ADK: variants seen among roughly 807,000 people sequenced by gnomAD.
The protein encoded by ADK is N6,N6-dimethyladenosine kinase.
ADK carries 24 observed loss-of-function variants against 44.7 expected under a neutral mutation model. The ratio of observed to expected loss-of-function variants is 0.54; its 90% confidence interval spans 0.39 to 0.76. The LOEUF is 0.76. ADK is among the 30% of genes least tolerant of loss of function. ADK has a pLI of 0.00. For synonymous variants in ADK, 128 were observed against 142.6 expected, an observed-to-expected ratio of 0.90 and a Z score of 0.73; for missense variants, 321 against 425.1, an observed-to-expected ratio of 0.76 and a Z score of 2.15.
intron 7 of ADK, among the ~76,000 whole-genome samples, chr10:74,577,789 T>C (rs1195434180): frequency 1.3e-5 from 2 of 152,202 alleles, no homozygotes; most frequent in African/African-American, 4.8e-5. Context: ...TTTTGTGATA[T>C]GTTCTAGTCA....
chr10:74,367,396 C>T (rs1842529492), intron 4 of ADK, among the ~76,000 whole-genome samples: 1 of 152,164 alleles, frequency 6.6e-6, no homozygotes, highest in African/African-American at 2.4e-5. Context: ...CATGAAATTA[C>T]AGTTTTTTAA....
rs370799606 is a variant in ADK at position 74,659,327 on chromosome 10, A to G, written c.878-10856A>G. Among the ~76,000 whole-genome samples, 89 of 152,364 alleles carry G rather than the reference A, an allele frequency of 5.8e-4. No homozygotes were observed. The East Asian group carries it at 9.0e-3, about 15-fold the overall frequency. ...CTTGGTCATTTTTCCATGGAAAACT[A>G]TTTTTGTATTCAAAGTCAACACTCA... On this transcript the variant is annotated intron_variant, in intron 9 of 10. Transcript: ENST00000539909.
intron 6 of ADK, among the ~76,000 whole-genome samples, chr10:74,467,398 CAT>C (rs1846398338): frequency 1.3e-5 from 2 of 152,164 alleles, no homozygotes; most frequent in African/African-American, 4.8e-5. Context: ...AAAGCCACCA[CAT>C]ATGTTAACGT....
chr10:74,221,948 G>A (rs561970350), intron 2 of ADK, among the ~76,000 whole-genome samples: 6 of 152,280 alleles, frequency 3.9e-5, no homozygotes, highest in Non-Finnish European at 5.9e-5. Flanking sequence ...TACTATTCAG[G>A]ACATAGGCAT....
intron 9 of ADK, among the ~76,000 whole-genome samples, chr10:74,650,617 AT>A (rs1352571509): frequency 6.6e-6 from 1 of 152,110 alleles, no homozygotes; most frequent in Non-Finnish European, 1.5e-5. Context: ...ACTTTTTGGC[AT>A]TACTTTGTTT....
At chr10:74,506,253 C>G (rs973773050) in intron 6 of ADK, 28 of 177,464 alleles carry the variant, frequency 1.6e-4, no homozygotes, top group Non-Finnish European at 3.2e-4. Flanking sequence ...AAGTCCTCCC[C>G]CAACCACAAT....
At chr10:74,654,911 G>A (rs1452506780) in intron 9 of ADK, 3 of 153,222 alleles carry the variant, frequency 2.0e-5, no homozygotes, top group Admixed American at 6.5e-5. Flanking sequence ...CAGGTTAGTC[G>A]CAGGTGAAGT....
intron 7 of ADK, chr10:74,528,007 C>T (rs1589220041): frequency 6.1e-6 from 5 of 823,718 alleles, no homozygotes; most frequent in East Asian, 2.4e-5. Context: ...AAGAAAAAAG[C>T]GATTGAGGGA....
chr10:74,447,706 G>T (rs1163279365), intron 6 of ADK, among the ~76,000 whole-genome samples: 1 of 152,042 alleles, frequency 6.6e-6, no homozygotes, highest in Non-Finnish European at 1.5e-5. Context: ...CTGTAAAATG[G>T]AGATCATGAT....
At chr10:74,215,972 G>A (rs577186412) in intron 2 of ADK, among the ~76,000 whole-genome samples, 6 of 152,168 alleles carry the variant, frequency 3.9e-5, no homozygotes, top group Middle Eastern at 6.8e-3. Flanking sequence ...ACTCTTTTTA[G>A]TGGACTCTAA....
chr10:74,189,014 G>A (rs920323393), intron 1 of ADK, among the ~76,000 whole-genome samples: 18 of 152,068 alleles, frequency 1.2e-4, no homozygotes, highest in Non-Finnish European at 2.5e-4. Flanking sequence ...CTCGTGATCC[G>A]CCCACCTTGG....
chr10:74,380,970 G>A (rs10824165), intron 4 of ADK, among the ~76,000 whole-genome samples: 97,089 of 151,876 alleles, frequency 0.64, 32,466 homozygotes, highest in Middle Eastern at 0.79. Context: ...GAAATCTATG[G>A]TGTGAGTTCA....
chr10:74,450,562 A>T (rs1845738383), intron 6 of ADK, among the ~76,000 whole-genome samples: 1 of 152,232 alleles, frequency 6.6e-6, no homozygotes, highest in Non-Finnish European at 1.5e-5. Flanking sequence ...CTCTGAGAAT[A>T]ATAAGAAAAC....
intron 3 of ADK, among the ~76,000 whole-genome samples, chr10:74,265,584 A>G (rs940277532): frequency 6.7e-6 from 1 of 149,992 alleles, no homozygotes; most frequent in East Asian, 1.9e-4. Flanking sequence ...TATTTGAGAA[A>G]AGCGCAACTT....
chr10:74,506,786 C>T lies in ADK; in HGVS notation c.556-18470C>T, dbSNP rs555320898. ...TGATAGATTTTAACTTTTTATAATA[C>T]ATTTTTATAGTTTTATGATAGTGAT... On this transcript the variant is annotated intron_variant, in intron 6 of 10. Coordinates refer to ENST00000539909, the MANE Select transcript of ADK (RefSeq NM_006721.4). Among the ~76,000 whole-genome samples, 4 of 152,236 alleles carry T rather than the reference C, an allele frequency of 2.6e-5. No homozygotes were observed. The South Asian group carries it at 6.2e-4, about 24-fold the overall frequency.
intron 7 of ADK, among the ~76,000 whole-genome samples, chr10:74,552,275 TA>T (rs1363868536): frequency 6.6e-6 from 1 of 152,096 alleles, no homozygotes; most frequent in African/African-American, 2.4e-5. Context: ...AAGTGGTGGA[TA>T]AACCTAACCA....
chr10:74,655,286 G>A (rs1368639318), intron 9 of ADK: 2 of 465,412 alleles, frequency 4.3e-6, no homozygotes, highest in African/African-American at 4.1e-5. Context: ...TCTTTGAGAA[G>A]GGCCCAGCTG....
chr10:74,368,287 A>AT (rs1842555494), intron 4 of ADK, among the ~76,000 whole-genome samples: 1 of 151,846 alleles, frequency 6.6e-6, no homozygotes, highest in African/African-American at 2.4e-5. Flanking sequence ...TAATTTTTGT[A>AT]TTTTTTGTAG....
At chr10:74,635,582 C>T (rs1458943398) in intron 9 of ADK, among the ~76,000 whole-genome samples, 1 of 152,080 alleles carries the variant, frequency 6.6e-6, no homozygotes, top group African/African-American at 2.4e-5. Context: ...TTTATTTTCT[C>T]ATGATTCTCC....
Sources: gnomAD v4.1 joint callset for allele counts (sites outside exome capture counted in the v4.1 genomes callset) on GRCh38, gnomAD v4.1.1 for gene constraint, MANE v1.5 for transcripts, NCBI Gene and HGNC (gene_info 2026-07-23, HGNC 2026-07-21) for gene names.